PCDHGA6: variants seen among roughly 807,000 people sequenced by gnomAD.
PCDHGA6 encodes the protein protocadherin gamma-A6.
In PCDHGA6, 41 loss-of-function variants were observed where a neutral mutation model predicts 60.6. The ratio of observed to expected loss-of-function variants is 0.68; its 90% CI spans 0.53 to 0.88. The LOEUF (loss-of-function observed/expected upper bound fraction) is 0.88, where lower values mean the gene tolerates loss of function less well. Ranked by LOEUF, PCDHGA6 falls within the 40% of genes least tolerant of loss-of-function variation. The probability of loss-of-function intolerance (pLI) is 0.00; values close to 1 mark genes in which losing one functional copy is unlikely to be tolerated. For missense variants in PCDHGA6, 1,312 were observed against 1,203.0 expected, an observed-to-expected ratio of 1.09 and a Z score of -1.34; for synonymous variants, 594 against 524.4, an observed-to-expected ratio of 1.13 and a Z score of -1.81.
Position 141,394,523 on chromosome 5 carries a change from C to A in PCDHGA6, c.2424+18016C>A, listed in dbSNP as rs373702756. ...TCCTGTACCCCGCCCTCCCCACAGACGGTTCCACTGGCGTGGAGCTGGCGC... is the reference window on the plus strand; with the variant it reads ...TCCTGTACCCCGCCCTCCCCACAGAAGGTTCCACTGGCGTGGAGCTGGCGC... On this transcript the variant is annotated intron_variant, in intron 1 of 3. Transcript: ENST00000517434. The A allele has an allele frequency of 1.1e-5, 17 of 1,614,116 alleles. No homozygotes were observed. The highest frequency in any genetic ancestry group is 5.3e-5 in the African/African-American group (4 of 74,950).
Position 141,476,667 on chromosome 5 carries a change from T to C in PCDHGA6, c.2425-18140T>C. 6.2e-7 allele frequency: 1 copy of C among 1,614,234 alleles called. No individual in the cohort carries two copies. Among genetic ancestry groups the C allele is most frequent in the Non-Finnish European group, 8.5e-7 (1 of 1,180,042 alleles). ...CGAAATGAATACTTTGCGCTTCGCG[T>C]GCAGACGCGGGAGGACAGCACCAAG... On this transcript the variant is annotated intron_variant, in intron 1 of 3. Transcript: ENST00000517434. The surrounding 1 kb of genome is among the most constrained non-coding windows in gnomAD (Gnocchi z 7.6).
At chr5:141,406,940 A>C (rs2094868445) in intron 1 of PCDHGA6, among the ~76,000 whole-genome samples, 1 of 152,212 alleles carries the variant, frequency 6.6e-6, no homozygotes, top group African/African-American at 2.4e-5. Context: ...ATTTAATGTT[A>C]TTTTAAACAT....
rs143779180 is a variant in PCDHGA6 at position 141,485,438 on chromosome 5, C to A, written c.2425-9369C>A. The A allele has an allele frequency of 9.9e-6, 16 of 1,614,170 alleles. No individual in the cohort carries two copies. The African/African-American group carries it at 1.3e-4, about 13-fold the overall frequency. Reference sequence around the variant, plus strand: ...CAGCGGAGCCCTGCTCATCAAGAACCCAATCGACCGAGAGGCACTGTGTGG... The same window carrying A: ...CAGCGGAGCCCTGCTCATCAAGAACACAATCGACCGAGAGGCACTGTGTGG... On this transcript the variant is annotated intron_variant, in intron 1 of 3. Coordinates refer to ENST00000517434, the MANE Select transcript of PCDHGA6 (RefSeq NM_018919.3). The surrounding 1 kb of genome is among the most constrained non-coding windows in gnomAD (Gnocchi z 5.7).
chr5:141,384,600 C>T, intron 1 of PCDHGA6: 1 of 1,614,248 alleles, frequency 6.2e-7, no homozygotes, highest in Non-Finnish European at 8.5e-7. Flanking sequence ...ACCCGGCCCT[C>T]CCCACAGATG....
intron 3 of PCDHGA6, among the ~76,000 whole-genome samples, chr5:141,509,751 A>T (rs1430265981): frequency 6.6e-6 from 1 of 151,998 alleles, no homozygotes; most frequent in Admixed American, 6.5e-5. Flanking sequence ...CCTGTGCCTA[A>T]AGTGTCCCTG....
chr5:141,467,756 T>A (rs1312303182), intron 1 of PCDHGA6, among the ~76,000 whole-genome samples: 5 of 151,988 alleles, frequency 3.3e-5, no homozygotes, highest in African/African-American at 1.2e-4. Flanking sequence ...CCGCCTCACA[T>A]GCTCAAGTGC....
intron 1 of PCDHGA6, among the ~76,000 whole-genome samples, chr5:141,466,994 T>C (rs944607423): frequency 6.6e-6 from 1 of 152,176 alleles, no homozygotes; most frequent in African/African-American, 2.4e-5. Flanking sequence ...CTTTTGGCAT[T>C]TTTTTGCAAT....
In PCDHGA6 at chr5:141,485,848, C is replaced by A; in HGVS notation, c.2425-8959C>A. The stretch of plus-strand genomic sequence containing the variant: ...GAGGGAACCCGCCGAGATCTGGCAC[C>A]GCAGAGCTCCGGGTATCCGTGCTGG... On this transcript the variant is annotated intron_variant, in intron 1 of 3. Transcript: ENST00000517434. This position sits in a 1 kb window ranked among gnomAD's most constrained non-coding sequence, Gnocchi z 5.7. 1 of 1,614,192 alleles carries A rather than the reference C, an allele frequency of 6.2e-7. No homozygotes were observed. The highest frequency in any genetic ancestry group is 8.5e-7 in the Non-Finnish European group (1 of 1,180,020).
intron 2 of PCDHGA6, 99 bp downstream of exon 2, chr5:141,494,964 G>A (rs2099757882): frequency 1.3e-6 from 2 of 1,594,380 alleles, no homozygotes; most frequent in Non-Finnish European, 8.5e-7. Context: ...GCTACAGATG[G>A]CTTCTCCCTC....
At chr5:141,398,384 T>A (rs1413881140) in intron 1 of PCDHGA6, 1 of 1,454,330 alleles carries the variant, frequency 6.9e-7, no homozygotes, top group East Asian at 2.3e-5. Context: ...GAGTTGCTTG[T>A]GAGCAGCAGG....
chr5:141,455,919 A>T, intron 1 of PCDHGA6, among the ~76,000 whole-genome samples: 1 of 145,568 alleles, frequency 6.9e-6, no homozygotes, highest in Non-Finnish European at 1.5e-5. Context: ...TTATTTTGAG[A>T]CGGAGTCTCG....
intron 1 of PCDHGA6, among the ~76,000 whole-genome samples, chr5:141,459,747 A>G (rs553965181): frequency 3.2e-4 from 48 of 152,318 alleles, no homozygotes; most frequent in African/African-American, 1.1e-3. Flanking sequence ...AATTTTAGCA[A>G]TTCTAGTGGG....
At chr5:141,400,077 C>T in intron 1 of PCDHGA6, 4 of 1,614,040 alleles carry the variant, frequency 2.5e-6, no homozygotes, top group South Asian at 1.1e-5. Context: ...AGCCGCCACT[C>T]TCCGCCACCG....
At chr5:141,403,075 G>A (rs1188549930) in intron 1 of PCDHGA6, 5 of 1,613,968 alleles carry the variant, frequency 3.1e-6, no homozygotes, top group Non-Finnish European at 4.2e-6. Flanking sequence ...AGACAGAAAA[G>A]GGCTATATTG....
chr5:141,381,890 T>C (rs1471901059), intron 1 of PCDHGA6, among the ~76,000 whole-genome samples: 1 of 139,844 alleles, frequency 7.2e-6, no homozygotes, highest in African/African-American at 2.7e-5. Context: ...AGTGCAATGG[T>C]GTGATCTCGG....
intron 1 of PCDHGA6, among the ~76,000 whole-genome samples, chr5:141,494,463 C>G (rs1178793763): frequency 6.6e-6 from 1 of 152,154 alleles, no homozygotes; most frequent in Non-Finnish European, 1.5e-5. Context: ...TTGTCTGCAC[C>G]TCTTCCCCCA....
Position 141,399,994 on chromosome 5 carries a change from C to T in PCDHGA6, c.2424+23487C>T, listed in dbSNP as rs538358679. 27 of 1,612,262 alleles carry T rather than the reference C, an allele frequency of 1.7e-5. No individual in the cohort carries two copies. The East Asian group carries it at 1.8e-4, about 11-fold the overall frequency. On this transcript the variant is annotated intron_variant, in intron 1 of 3. Coordinates refer to ENST00000517434, the MANE Select transcript of PCDHGA6 (RefSeq NM_018919.3). ...CCTGGGGCTGCGCACAGGAGAGGTG[C>T]GCACAGCGCGTGCCTTGGGCGACAG...
rs545524357 is a variant in PCDHGA6, at chr5:141,467,902, G to A, written c.2425-26905G>A. ...TCAAACTCCTGAGCTCAAGAAATCC[G>A]CCCACCTCAGCCTCCCAAAATGCTA... On this transcript the variant is annotated intron_variant, in intron 1 of 3. Coordinates refer to ENST00000517434, the MANE Select transcript of PCDHGA6 (RefSeq NM_018919.3). 1.1e-4 allele frequency among the ~76,000 whole-genome samples: 16 copies of A among 151,862 alleles called. No homozygotes were observed. The East Asian group carries it at 2.3e-3, about 22-fold the overall frequency.
At chr5:141,393,166 G>A in intron 1 of PCDHGA6, 2 of 1,613,244 alleles carry the variant, frequency 1.2e-6, no homozygotes, top group Non-Finnish European at 1.7e-6. Flanking sequence ...AAACTCTTTG[G>A]GGTAGAAATA....
Sources: gnomAD v4.1 joint callset for allele counts (sites outside exome capture counted in the v4.1 genomes callset) on GRCh38, gnomAD v4.1.1 for gene constraint, Gnocchi (gnomAD v3.1) non-coding constraint, MANE v1.5 for transcripts, NCBI Gene and HGNC (gene_info 2026-07-23, HGNC 2026-07-21) for gene names.